The following CLPX variants were observed in gnomAD, a reference collection of about 807,000 sequenced individuals.
CLPX encodes caseinolytic mitochondrial matrix peptidase chaperone subunit X, also known as ATP-dependent clpX-like chaperone, mitochondrial.
A neutral mutation model predicts 76.4 loss-of-function variants in CLPX; 34 were observed. The ratio of observed to expected loss-of-function variants is 0.45; its 90% CI spans 0.34 to 0.59. The LOEUF is 0.59. Ranked by LOEUF, CLPX falls within the 20% of genes least tolerant of loss-of-function variation. The pLI is 0.01. For missense variants in CLPX, 613 were observed against 757.0 expected (o/e 0.81, Z 2.23); for synonymous variants, 248 against 270.9 (o/e 0.92, Z 0.83).
intron 1 of CLPX, 71 bp downstream of exon 1, chr15:65,185,004 G>T: frequency 2.9e-6 from 4 of 1,376,546 alleles, no homozygotes; most frequent in Non-Finnish European, 4.0e-6. Flanking sequence ...CCTCCCCGGG[G>T]CCCCCAACCA....
intron 3 of CLPX, 30 bp from the exon 4 acceptor site, chr15:65,166,815 G>A: frequency 6.3e-7 from 1 of 1,588,372 alleles, no homozygotes; most frequent in Non-Finnish European, 8.6e-7. Context: ...TAAGTAGAGG[G>A]AAATAAAAAA....
chr15:65,181,540 G>T (rs2088171346), intron 1 of CLPX, among the ~76,000 whole-genome samples: 1 of 150,986 alleles, frequency 6.6e-6, no homozygotes, highest in African/African-American at 2.4e-5. Flanking sequence ...ATCACTTGAG[G>T]TTAGGAGTTT....
rs573138394 is a variant in CLPX at position 65,149,600 on chromosome 15, G to C, written c.*1223C>G. ...AATAAGGCCGGGTGTGGTGGCTTAC[G>C]CCTGCAATCCCAGCACTTTGGGAGG... On this transcript the variant is annotated 3_prime_UTR_variant, in exon 14 of 14. Coordinates refer to ENST00000300107, the MANE Select transcript of CLPX (RefSeq NM_006660.5). 8 of 452,130 alleles carry C rather than the reference G, an allele frequency of 1.8e-5. No homozygotes were observed. Among genetic ancestry groups the C allele is most frequent in the Non-Finnish European group, 3.5e-5 (8 of 225,410 alleles). The allele number at this position is 452,130 out of a possible 1,614,324, so 28.0% of individuals were successfully genotyped here. A position where few individuals can be genotyped will look rare whatever the true frequency, so the allele number is the denominator to read the frequency against.
intron 2 of CLPX, 79 bp downstream of exon 2, chr15:65,179,965 G>A (rs1211064293): frequency 3.4e-5 from 33 of 968,888 alleles, no homozygotes; most frequent in Non-Finnish European, 4.4e-5. Context: ...ATATAAGCCA[G>A]TAAGAGACAG....
At chr15:65,151,293 C>T (rs910381549) in intron 13 of CLPX, among the ~76,000 whole-genome samples, 1 of 144,944 alleles carries the variant, frequency 6.9e-6, no homozygotes, top group Non-Finnish European at 1.5e-5. Flanking sequence ...TGCAGTAAGC[C>T]GAAATCATAC....
intron 4 of CLPX, 64 bp downstream of exon 4, chr15:65,166,567 G>C (rs574637930): frequency 2.0e-6 from 3 of 1,527,286 alleles, no homozygotes; most frequent in Non-Finnish European, 2.7e-6. Context: ...GTAAACTTGG[G>C]AGAGGGAAGC....
intron 3 of CLPX, among the ~76,000 whole-genome samples, chr15:65,169,265 A>G (rs1451587108): frequency 6.6e-6 from 1 of 151,730 alleles, no homozygotes; most frequent in Non-Finnish European, 1.5e-5. Context: ...ATGCCTGCCT[A>G]CTTTTAAAAA....
intron 9 of CLPX, chr15:65,156,579 G>T (rs2087791784): frequency 1.0e-5 from 4 of 392,038 alleles, no homozygotes; most frequent in Non-Finnish European, 1.4e-5. Context: ...GTTTAACTGG[G>T]CCTTTGAGGA....
At chr15:65,179,965 G>C (rs1211064293) in intron 2 of CLPX, 79 bp downstream of exon 2, 2 of 968,888 alleles carry the variant, frequency 2.1e-6, no homozygotes, top group African/African-American at 3.3e-5. Flanking sequence ...ATATAAGCCA[G>C]TAAGAGACAG....
rs373150401 is a variant in CLPX at position 65,174,909 on chromosome 15, G to A, written c.358+4025C>T. Among the ~76,000 whole-genome samples, 15 of 152,088 alleles carry A rather than the reference G, an allele frequency of 9.9e-5. 1 individual carries two copies. The highest frequency in any genetic ancestry group is 3.1e-4 in the African/African-American group (13 of 41,476). ...ACATACACAGCTCTCAAAACGCTGC[G>A]TACTGAAAACAAGCAATTTGCAAAA... On this transcript the variant is annotated intron_variant, in intron 3 of 13. Coordinates refer to ENST00000300107, the MANE Select transcript of CLPX (RefSeq NM_006660.5).
Position 65,179,068 on chromosome 15 carries a change from A to G in CLPX, c.241-17T>C, listed in dbSNP as rs753375348. The G allele has an allele frequency of 8.7e-6, 13 of 1,499,522 alleles. 1 individual carries two copies. In the Middle Eastern group the frequency reaches 1.7e-3, roughly 197 times the overall value. The allele number at this position is 1,499,522 out of a possible 1,614,324, so 92.9% of individuals were successfully genotyped here. A position where few individuals can be genotyped will look rare whatever the true frequency, so the allele number is the denominator to read the frequency against. On this transcript the variant is annotated splice_polypyrimidine_tract_variant and intron_variant, in intron 2 of 13. Coordinates refer to ENST00000300107, the MANE Select transcript of CLPX (RefSeq NM_006660.5). ...TGCTGATTTCTAACGTTTATGAAGG[A>G]GAAAAAAGGAAGAGTGTCAATTATT...
intron 11 of CLPX, among the ~76,000 whole-genome samples, chr15:65,154,252 A>G (rs555912490): frequency 1.3e-5 from 2 of 152,322 alleles, no homozygotes; most frequent in South Asian, 2.1e-4. Flanking sequence ...AACTAAATGC[A>G]TGGGTCAAGG....
Position 65,150,746 on chromosome 15 carries a change from A to G in CLPX, c.*77T>C. The G allele has an allele frequency of 2.0e-6, 2 of 984,808 alleles. No homozygotes were observed. The highest frequency in any genetic ancestry group is 3.1e-5 in the South Asian group (2 of 65,424). 61.0% of individuals were successfully genotyped at this position (984,808 alleles called of 1,614,324 possible). On this transcript the variant is annotated 3_prime_UTR_variant, in exon 14 of 14. Coordinates refer to ENST00000300107, the MANE Select transcript of CLPX (RefSeq NM_006660.5). ...ATCCAAGATAGATCCAATGCCTTTA[A>G]TATCAGACTGTAGAGACAATTATGA...
At chr15:65,160,085 T>C (rs1441481927) in intron 6 of CLPX, among the ~76,000 whole-genome samples, 1 of 152,216 alleles carries the variant, frequency 6.6e-6, no homozygotes. Context: ...AGTACTGGGA[T>C]TACAGGCATG....
At chr15:65,157,267 T>C (rs2087801913) in intron 8 of CLPX, among the ~76,000 whole-genome samples, 2 of 152,208 alleles carry the variant, frequency 1.3e-5, no homozygotes, top group Admixed American at 1.3e-4. Flanking sequence ...GCTTACTCTT[T>C]CCCGCCTACA....
chr15:65,161,688 ATT>A (rs957053454), intron 6 of CLPX, among the ~76,000 whole-genome samples: 1 of 152,116 alleles, frequency 6.6e-6, no homozygotes, highest in African/African-American at 2.4e-5. Flanking sequence ...ATCTGAATAT[ATT>A]TTTTTATTAT....
Position 65,166,644 on chromosome 15 carries a change from G to A in CLPX, c.500C>T (p.Pro167Leu). Residue 167 changes from proline (P) to leucine (L), a missense_variant, in exon 4 of 14, where the codon CCT becomes CTT. By Grantham distance (98) the Pro-to-Leu change is moderately conservative. Transcript: ENST00000300107. ...VKLAFQQKPP[P>L]PPKKIYNYLD... ...TAAGACTTATACCTTCTTAGGGGGAGGTGGTGGTTTCTGTTGGAATGCCAA... is the reference window on the plus strand; with the variant it reads ...TAAGACTTATACCTTCTTAGGGGGAAGTGGTGGTTTCTGTTGGAATGCCAA... 1 of 1,614,018 alleles carries A rather than the reference G, an allele frequency of 6.2e-7. No individual in the cohort carries two copies. Among genetic ancestry groups the A allele is most frequent in the Non-Finnish European group, 8.5e-7 (1 of 1,179,960 alleles).
intron 12 of CLPX, 107 bp downstream of exon 12, chr15:65,153,440 T>G: frequency 1.2e-5 from 9 of 723,774 alleles, no homozygotes; most frequent in Non-Finnish European, 2.1e-5. Flanking sequence ...TTTGAGACTC[T>G]GTCTCAAAAT....
At chr15:65,183,643 T>C (rs960811406) in intron 1 of CLPX, among the ~76,000 whole-genome samples, 1 of 151,782 alleles carries the variant, frequency 6.6e-6, no homozygotes, top group African/African-American at 2.4e-5. Flanking sequence ...TAACTGCCTA[T>C]CTCCTATGAT....
Sources: gnomAD v4.1 joint callset for allele counts (sites outside exome capture counted in the v4.1 genomes callset) on GRCh38, gnomAD v4.1.1 for gene constraint, MANE v1.5 for transcripts, NCBI Gene and HGNC (gene_info 2026-07-23, HGNC 2026-07-21) for gene names.